The following VSTM4 variants were observed in gnomAD, a reference collection of about 807,000 sequenced individuals.
VSTM4 encodes V-set and transmembrane domain-containing protein 4.
In VSTM4, 20 loss-of-function variants were observed where a neutral mutation model predicts 36.4. That is an observed-to-expected ratio of 0.55 (90% CI 0.39 to 0.80). The LOEUF (loss-of-function observed/expected upper bound fraction) is 0.80, where lower values mean the gene tolerates loss of function less well. Ranked by LOEUF, VSTM4 falls within the 30% of genes least tolerant of loss-of-function variation. The pLI is 0.00. For synonymous variants in VSTM4, 182 were observed against 173.9 expected, an observed-to-expected ratio of 1.05 and a Z score of -0.37; for missense variants, 392 against 404.5, an observed-to-expected ratio of 0.97 and a Z score of 0.26.
intron 7 of VSTM4, among the ~76,000 whole-genome samples, chr10:49,035,283 C>A (rs182547284): frequency 6.6e-6 from 1 of 152,156 alleles, no homozygotes; most frequent in East Asian, 1.9e-4. Context: ...TGCCTATCAG[C>A]GCTCAACAAT....
intron 2 of VSTM4, among the ~76,000 whole-genome samples, chr10:49,101,094 C>G (rs1332875728): frequency 6.6e-6 from 1 of 151,998 alleles, no homozygotes; most frequent in Non-Finnish European, 1.5e-5. Context: ...ATGGAAAACA[C>G]TTTTATAAGC....
chr10:49,040,392 C>A (rs954863032), intron 7 of VSTM4, among the ~76,000 whole-genome samples: 4 of 152,132 alleles, frequency 2.6e-5, no homozygotes, highest in Non-Finnish European at 5.9e-5. Flanking sequence ...AAGCGATTCT[C>A]CTGCCTCAGC....
At chr10:49,078,521 G>T (rs1844220334) in intron 3 of VSTM4, among the ~76,000 whole-genome samples, 1 of 126,304 alleles carries the variant, frequency 7.9e-6, no homozygotes. Flanking sequence ...AGTACGCTGA[G>T]TGAAAAAAAA....
At chr10:49,030,523 AG>A (rs1843329536) in intron 7 of VSTM4, among the ~76,000 whole-genome samples, 1 of 152,212 alleles carries the variant, frequency 6.6e-6, no homozygotes, top group South Asian at 2.1e-4. Flanking sequence ...CCAGTCACCC[AG>A]CATGCTCTAG....
chr10:49,099,933 T>C (rs1404474623), intron 2 of VSTM4, among the ~76,000 whole-genome samples: 1 of 152,032 alleles, frequency 6.6e-6, no homozygotes, highest in Non-Finnish European at 1.5e-5. Flanking sequence ...GGAGAATCGC[T>C]TGAACCCAGG....
chr10:49,103,662 G>T, intron 2 of VSTM4: 1 of 1,569,614 alleles, frequency 6.4e-7, no homozygotes, highest in South Asian at 1.2e-5. Context: ...AGGTGTTCAT[G>T]ACAGGGAAAT....
rs566503347 is a variant in VSTM4 at position 49,023,139 on chromosome 10, A to G, written c.838-3364T>C. Among the ~76,000 whole-genome samples the G allele has an allele frequency of 1.8e-4, 28 of 152,360 alleles. No individual in the cohort carries two copies. In the South Asian group the frequency reaches 3.1e-3, roughly 17 times the overall value. On this transcript the variant is annotated intron_variant, in intron 7 of 7. Coordinates refer to ENST00000332853, the MANE Select transcript of VSTM4 (RefSeq NM_001031746.5). ...ATGTGTAGAATCATTTCCCTTATGC[A>G]TATTTCTGGAATATAATAATTTGAT...
At chr10:49,077,683 A>C (rs1028402120) in intron 3 of VSTM4, among the ~76,000 whole-genome samples, 1 of 152,122 alleles carries the variant, frequency 6.6e-6, no homozygotes, top group Admixed American at 6.5e-5. Flanking sequence ...CCACAAACCT[A>C]AATGTAAAAT....
At chr10:49,107,330 C>G (rs1233972916) in intron 2 of VSTM4, among the ~76,000 whole-genome samples, 1 of 152,244 alleles carries the variant, frequency 6.6e-6, no homozygotes, top group Non-Finnish European at 1.5e-5. Flanking sequence ...AGAGGCTTTG[C>G]CCAGAGATTG....
intron 5 of VSTM4, 190 bp downstream of exon 5, chr10:49,064,512 TG>T: frequency 3.1e-6 from 2 of 645,178 alleles, no homozygotes; most frequent in East Asian, 3.0e-5. Context: ...TCTGGATCCC[TG>T]GGGGTGAAAA....
At chr10:49,043,614 CA>C (rs1043975188) in intron 7 of VSTM4, among the ~76,000 whole-genome samples, 1 of 150,546 alleles carries the variant, frequency 6.6e-6, no homozygotes, top group African/African-American at 2.4e-5. Context: ...ACACTGGACT[CA>C]AAAAAAAGGA....
chr10:49,047,778 G>A (rs1211989635), intron 6 of VSTM4, among the ~76,000 whole-genome samples: 1 of 152,266 alleles, frequency 6.6e-6, no homozygotes, highest in East Asian at 1.9e-4. Context: ...GGCTTGATGT[G>A]TCCCTAGGGG....
chr10:49,019,773 T>G lies in VSTM4; in HGVS notation c.840A>C (p.Pro280=), dbSNP rs201819563. 323 of 1,609,522 alleles carry G rather than the reference T, an allele frequency of 2.0e-4. No homozygotes were observed. Among genetic ancestry groups the G allele is most frequent in the Non-Finnish European group, 2.4e-4 (278 of 1,178,132 alleles). Residue 280 remains proline, a splice_region_variant and synonymous_variant, in exon 8 of 8, where the codon CCA becomes CCC. Coordinates refer to ENST00000332853, the MANE Select transcript of VSTM4 (RefSeq NM_001031746.5). ...LLKPQRKVTL[P]KIAEENLTYA... is the part of the protein sequence containing the mutation. ...AGGTTAAGTTTTCCTCAGCAATCTT[T>G]GGCTATAAAAGAAAAAACAAAACAA...
Position 49,015,849 on chromosome 10 carries a change from C to A in VSTM4, c.*3801G>T, listed in dbSNP as rs554898566. On this transcript the variant is annotated 3_prime_UTR_variant, in exon 8 of 8. Transcript: ENST00000332853. ...GTGGCATGGCTCTTTTTTGTTACCA[C>A]GCTGTTCCCTTCCACTTATTGGTGC... 4 of 152,332 alleles carry A rather than the reference C, an allele frequency of 2.6e-5. No homozygotes were observed. The highest frequency in any genetic ancestry group is 1.9e-4 in the East Asian group (1 of 5,200). The allele number at this position is 152,332 out of a possible 1,614,324, so 9.4% of individuals were successfully genotyped here. A position where few individuals can be genotyped will look rare whatever the true frequency, so the allele number is the denominator to read the frequency against.
intron 1 of VSTM4, among the ~76,000 whole-genome samples, chr10:49,111,672 T>C (rs960842118): frequency 6.6e-6 from 1 of 152,122 alleles, no homozygotes; most frequent in African/African-American, 2.4e-5. Context: ...CCGTTGTACC[T>C]CTCCACTCAC....
chr10:49,095,908 A>C (rs1437860985), intron 2 of VSTM4, among the ~76,000 whole-genome samples: 1 of 152,222 alleles, frequency 6.6e-6, no homozygotes, highest in Non-Finnish European at 1.5e-5. Flanking sequence ...ACAGGCTCAT[A>C]AACTGGGGCT....
intron 1 of VSTM4, among the ~76,000 whole-genome samples, chr10:49,112,782 C>A (rs934589357): frequency 6.6e-6 from 1 of 152,204 alleles, no homozygotes; most frequent in African/African-American, 2.4e-5. Flanking sequence ...ATCCCACAAG[C>A]GATGTAGCTG....
At chr10:49,082,614 G>T (rs1844300287) in intron 3 of VSTM4, among the ~76,000 whole-genome samples, 1 of 152,162 alleles carries the variant, frequency 6.6e-6, no homozygotes, top group Non-Finnish European at 1.5e-5. Context: ...GGCGGAGGTT[G>T]CAATGAGCCA....
intron 4 of VSTM4, among the ~76,000 whole-genome samples, chr10:49,065,310 C>T (rs1049293725): frequency 1.3e-5 from 2 of 152,180 alleles, no homozygotes; most frequent in Non-Finnish European, 2.9e-5. Flanking sequence ...GCTGAATTTA[C>T]TTCAAATAGA....
Sources: allele counts gnomAD v4.1 joint callset (sites outside exome capture counted in the v4.1 genomes callset), GRCh38; gene constraint gnomAD v4.1.1; transcripts MANE v1.5; gene names NCBI Gene and HGNC (gene_info 2026-07-23, HGNC 2026-07-21).